NPAS3: variants seen among roughly 807,000 people sequenced by gnomAD.
The protein encoded by NPAS3 is neuronal PAS domain-containing protein 3.
In NPAS3, 14 loss-of-function variants were observed where a neutral mutation model predicts 73.1. The observed-to-expected ratio is 0.19, with a 90% CI of 0.13 to 0.30. NPAS3 has a LOEUF of 0.30. NPAS3 is among the 10% of genes least tolerant of loss of function. The pLI is 1.00. For missense variants in NPAS3, 1,096 were observed against 1,250.0 expected, an observed-to-expected ratio of 0.88 and a Z score of 1.86; for synonymous variants, 620 against 541.5, an observed-to-expected ratio of 1.14 and a Z score of -2.01.
chr14:33,287,006 C>T (rs1027539677), intron 3 of NPAS3, among the ~76,000 whole-genome samples: 8 of 151,496 alleles, frequency 5.3e-5, no homozygotes, highest in African/African-American at 1.5e-4. Flanking sequence ...TAGCAATGCT[C>T]GGGAAAAAAT....
At chr14:33,415,832 C>G (rs1254406566) in intron 4 of NPAS3, among the ~76,000 whole-genome samples, 1 of 152,056 alleles carries the variant, frequency 6.6e-6, no homozygotes, top group African/African-American at 2.4e-5. Flanking sequence ...AGATACTGTT[C>G]CAAACTTAGT....
At chr14:33,108,766 C>T (rs768679871) in intron 2 of NPAS3, among the ~76,000 whole-genome samples, 6 of 152,098 alleles carry the variant, frequency 3.9e-5, no homozygotes, top group Non-Finnish European at 8.8e-5. Flanking sequence ...TTTAGGGTCA[C>T]TAAAATTCCA....
At chr14:33,147,931 A>C (rs1475162038) in intron 2 of NPAS3, among the ~76,000 whole-genome samples, 1 of 151,998 alleles carries the variant, frequency 6.6e-6, no homozygotes, top group East Asian at 1.9e-4. Flanking sequence ...GCTTTTGTAC[A>C]TACACACATT....
At chr14:33,277,149 A>G (rs902051440) in intron 3 of NPAS3, among the ~76,000 whole-genome samples, 2 of 152,148 alleles carry the variant, frequency 1.3e-5, no homozygotes, top group Admixed American at 1.3e-4. Flanking sequence ...AAATCCAGAA[A>G]CACAAAAATA....
intron 1 of NPAS3, among the ~76,000 whole-genome samples, chr14:32,966,594 C>CTG (rs1595108919): frequency 2.9e-5 from 4 of 135,978 alleles, no homozygotes; most frequent in African/African-American, 5.8e-5. Flanking sequence ...AATTATGAAA[C>CTG]CCCGTCTCTA....
chr14:33,596,004 AG>A (rs1447690067), intron 5 of NPAS3, among the ~76,000 whole-genome samples: 1 of 152,252 alleles, frequency 6.6e-6, no homozygotes, highest in Non-Finnish European at 1.5e-5. Flanking sequence ...CAAGTGTAAA[AG>A]ATTCACTAAC....
At chr14:32,952,946 C>A (rs1380570245) in intron 1 of NPAS3, among the ~76,000 whole-genome samples, 2 of 151,720 alleles carry the variant, frequency 1.3e-5, no homozygotes, top group African/African-American at 4.8e-5. Flanking sequence ...TGGTGCACAC[C>A]TGTAATCCCA....
chr14:33,226,665 G>A (rs1204207382), intron 3 of NPAS3, among the ~76,000 whole-genome samples: 1 of 152,160 alleles, frequency 6.6e-6, no homozygotes, highest in Non-Finnish European at 1.5e-5. Context: ...TGCCCATTGG[G>A]AGCAGTCAGT....
At chr14:33,345,238 A>G (rs766764682) in intron 3 of NPAS3, among the ~76,000 whole-genome samples, 9 of 152,228 alleles carry the variant, frequency 5.9e-5, no homozygotes, top group Non-Finnish European at 1.2e-4. Context: ...CTTATCTTCT[A>G]AACTTAGCTT....
chr14:33,308,527 T>TATATATATATATATATATATATAC, intron 3 of NPAS3, among the ~76,000 whole-genome samples: 17 of 103,718 alleles, frequency 1.6e-4, no homozygotes, highest in Non-Finnish European at 2.8e-4. Context: ...TATATATATA[T>TATATATATATATATATATATATAC]ACATACACAC....
chr14:33,108,770 A>G (rs1007771457), intron 2 of NPAS3, among the ~76,000 whole-genome samples: 9 of 152,156 alleles, frequency 5.9e-5, no homozygotes, highest in Non-Finnish European at 1.3e-4. Flanking sequence ...GGGTCACTAA[A>G]ATTCCAATAA....
At chr14:33,514,338 A>G (rs948089677) in intron 4 of NPAS3, among the ~76,000 whole-genome samples, 2 of 151,972 alleles carry the variant, frequency 1.3e-5, no homozygotes, top group Non-Finnish European at 1.5e-5. Flanking sequence ...TAAACAGTGT[A>G]CACTCTAAGT....
chr14:33,324,885 C>T (rs767907721), intron 3 of NPAS3, among the ~76,000 whole-genome samples: 22 of 152,124 alleles, frequency 1.4e-4, no homozygotes, highest in Middle Eastern at 3.4e-3. Context: ...AAATATGTTA[C>T]GTGTCCATGA....
At chr14:33,416,191 C>T (rs958067081) in intron 4 of NPAS3, among the ~76,000 whole-genome samples, 28 of 151,956 alleles carry the variant, frequency 1.8e-4, no homozygotes, top group African/African-American at 6.3e-4. Context: ...TTAGCATGCA[C>T]AATTTACGTT....
At chr14:33,016,627 A>G in intron 1 of NPAS3, among the ~76,000 whole-genome samples, 1 of 151,758 alleles carries the variant, frequency 6.6e-6, no homozygotes, top group South Asian at 2.1e-4. Context: ...AAAAAAAAAA[A>G]AAAAACGACC....
At chr14:32,988,884 A>G (rs2038202870) in intron 1 of NPAS3, among the ~76,000 whole-genome samples, 1 of 152,250 alleles carries the variant, frequency 6.6e-6, no homozygotes, top group African/African-American at 2.4e-5. Flanking sequence ...CAACTTCTGT[A>G]GAATCTTCCC....
intron 6 of NPAS3, among the ~76,000 whole-genome samples, chr14:33,678,770 C>T (rs1232072452): frequency 7.7e-6 from 1 of 129,362 alleles, no homozygotes; most frequent in Non-Finnish European, 1.7e-5. Context: ...AAAAAAAATC[C>T]ACAGCCTGTA....
At chr14:33,156,723 A>G (rs373825679) in intron 2 of NPAS3, among the ~76,000 whole-genome samples, 60 of 152,326 alleles carry the variant, frequency 3.9e-4, no homozygotes, top group African/African-American at 1.2e-3. Flanking sequence ...GCTTTCCATT[A>G]CAAATATAAA....
chr14:33,331,543 C>T (rs2043985848), intron 3 of NPAS3, among the ~76,000 whole-genome samples: 1 of 150,870 alleles, frequency 6.6e-6, no homozygotes, highest in Non-Finnish European at 1.5e-5. Flanking sequence ...GTTTATCTCC[C>T]CCCACCGCTT....
Sources: allele counts gnomAD v4.1 joint callset (sites outside exome capture counted in the v4.1 genomes callset), GRCh38; gene constraint gnomAD v4.1.1; transcripts MANE v1.5; gene names NCBI Gene and HGNC (gene_info 2026-07-23, HGNC 2026-07-21).